The following IFT88 variants were observed in gnomAD, a reference collection of about 807,000 sequenced individuals.
IFT88 encodes the protein intraflagellar transport 88, also known as intraflagellar transport protein 88 homolog.
Under a neutral mutation model 119.5 loss-of-function variants are expected in IFT88, and 74 were observed. The ratio of observed to expected loss-of-function variants is 0.62; its 90% CI spans 0.51 to 0.75. IFT88 has a LOEUF of 0.75. Ranked by LOEUF, IFT88 falls within the 30% of genes least tolerant of loss-of-function variation. IFT88 has a pLI of 0.00. For synonymous variants in IFT88, 279 were observed against 316.7 expected (o/e 0.88, Z 1.26); for missense variants, 961 against 977.7 (o/e 0.98, Z 0.23).
At chr13:20,597,316 G>A (rs1052498448) in intron 9 of IFT88, among the ~76,000 whole-genome samples, 197 bp downstream of exon 9, 6 of 152,072 alleles carry the variant, frequency 3.9e-5, no homozygotes, top group Non-Finnish European at 1.5e-5. Context: ...TATTTAACTA[G>A]TTATTTTAGG....
rs1288876367 is a variant in IFT88 at position 20,663,403 on chromosome 13, C to T, written c.2069-95C>T. On this transcript the variant is annotated intron_variant, in intron 22 of 25. Coordinates refer to ENST00000351808, the MANE Select transcript of IFT88 (RefSeq NM_006531.5). ...ATACTATTTGTAAGCATCATTCCTA[C>T]CTGTATCCCAAAAGACTGAGTTCAC... 6 of 1,555,998 alleles carry T rather than the reference C, an allele frequency of 3.9e-6. No individual in the cohort carries two copies. The African/African-American group carries it at 4.1e-5, about 11-fold the overall frequency.
intron 13 of IFT88, chr13:20,607,301 G>A (rs1006011112): frequency 2.4e-5 from 11 of 451,504 alleles, no homozygotes; most frequent in African/African-American, 8.0e-5. Flanking sequence ...ACTCACCTTC[G>A]GCAAGTACTT....
intron 1 of IFT88, among the ~76,000 whole-genome samples, chr13:20,568,867 C>T (rs2035565776): frequency 6.6e-6 from 1 of 152,026 alleles, no homozygotes; most frequent in Non-Finnish European, 1.5e-5. Flanking sequence ...ACTACAGGCG[C>T]CCGCCACCAT....
intron 13 of IFT88, among the ~76,000 whole-genome samples, chr13:20,606,013 C>T (rs2043374020): frequency 2.1e-5 from 1 of 48,166 alleles, no homozygotes; most frequent in African/African-American, 7.5e-5. Context: ...ATGTAGGTTT[C>T]ATGATGTAGG....
chr13:20,610,260 G>A (rs1450717647), intron 13 of IFT88, among the ~76,000 whole-genome samples: 1 of 152,100 alleles, frequency 6.6e-6, no homozygotes, highest in Non-Finnish European at 1.5e-5. Context: ...CTTCAGAAGT[G>A]TCCCTGTTCG....
chr13:20,590,855 A>G, intron 4 of IFT88, 112 bp from the exon 5 acceptor site: 1 of 735,098 alleles, frequency 1.4e-6, no homozygotes, highest in African/African-American at 1.8e-5. Context: ...ACAAGGAATA[A>G]ATTATGTTTG....
chr13:20,587,997 T>C (rs766381824), intron 3 of IFT88, among the ~76,000 whole-genome samples: 54 of 10,006 alleles, frequency 5.4e-3, no homozygotes, highest in Admixed American at 0.016. Context: ...TACTATTTGC[T>C]TTTTTTTTTT....
chr13:20,609,722 C>T (rs1212012305), intron 13 of IFT88, among the ~76,000 whole-genome samples: 1 of 151,802 alleles, frequency 6.6e-6, no homozygotes, highest in Non-Finnish European at 1.5e-5. Context: ...TCAGCCTGGC[C>T]AATAGAGTGA....
chr13:20,651,265 T>G (rs912071278), intron 20 of IFT88, among the ~76,000 whole-genome samples: 1 of 151,830 alleles, frequency 6.6e-6, no homozygotes, highest in African/African-American at 2.4e-5. Flanking sequence ...TGAGTAGTAT[T>G]GTTTTCTTAA....
intron 13 of IFT88, among the ~76,000 whole-genome samples, chr13:20,615,200 C>T (rs2045396813): frequency 6.6e-6 from 1 of 152,106 alleles, no homozygotes; most frequent in African/African-American, 2.4e-5. Context: ...ATTTTAAAAA[C>T]CACTACTTAT....
intron 14 of IFT88, among the ~76,000 whole-genome samples, chr13:20,616,175 G>A (rs1357437176): frequency 6.6e-6 from 1 of 152,162 alleles, no homozygotes; most frequent in Non-Finnish European, 1.5e-5. Context: ...CCTATCACTA[G>A]TGACGTTGTA....
Position 20,641,391 on chromosome 13 carries a change from G to A in IFT88, c.1675G>A (p.Ala559Thr), listed in dbSNP as rs774079711. 1.9e-6 allele frequency: 3 copies of A among 1,596,136 alleles called. No homozygotes were observed. Among genetic ancestry groups the A allele is most frequent in the East Asian group, 2.2e-5 (1 of 44,706 alleles). The change falls in exon 18 of 26, where the codon GCA (alanine) becomes ACA (threonine). Residue 559 changes from alanine to threonine, a missense_variant. By Grantham distance (58) the Ala-to-Thr change is moderately conservative (BLOSUM62 0). Coordinates refer to ENST00000351808, the MANE Select transcript of IFT88 (RefSeq NM_006531.5). The part of the protein sequence containing the change: ...RNSAEVLYQI[A>T]NIYELMENPS... The stretch of plus-strand genomic sequence containing the variant: ...CAGTGCCGAAGTTCTTTACCAGATA[G>A]CAAATATGTATCTTATTTGAAAACC...
intron 11 of IFT88, among the ~76,000 whole-genome samples, chr13:20,601,107 T>C (rs548677547): frequency 1.3e-5 from 2 of 152,342 alleles, no homozygotes; most frequent in South Asian, 2.1e-4. Context: ...GCCTCATGCC[T>C]GTAATCCCAG....
chr13:20,608,484 A>G (rs1375342685), intron 13 of IFT88, among the ~76,000 whole-genome samples: 1 of 152,166 alleles, frequency 6.6e-6, no homozygotes, highest in Non-Finnish European at 1.5e-5. Context: ...CAAACGGTGT[A>G]TCTCAAAACA....
At chr13:20,568,720 C>CT (rs201221087) in intron 1 of IFT88, among the ~76,000 whole-genome samples, 48 of 151,194 alleles carry the variant, frequency 3.2e-4, no homozygotes, top group Non-Finnish European at 3.2e-4. Context: ...CTTTTAATAC[C>CT]TTTTTTTTTC....
At chr13:20,647,451 GAATTA>G (rs1238228393) in intron 20 of IFT88, among the ~76,000 whole-genome samples, 1 of 151,970 alleles carries the variant, frequency 6.6e-6, no homozygotes, top group Non-Finnish European at 1.5e-5. Context: ...GCATATAGTT[GAATTA>G]AATTAAATTT....
At chr13:20,584,575 A>T (rs1474676202) in intron 3 of IFT88, among the ~76,000 whole-genome samples, 2 of 152,142 alleles carry the variant, frequency 1.3e-5, no homozygotes, top group Admixed American at 1.3e-4. Context: ...CTACGAGTAC[A>T]TGAATTGCTA....
chr13:20,590,255 T>C (rs943475940), intron 4 of IFT88, among the ~76,000 whole-genome samples: 1 of 152,140 alleles, frequency 6.6e-6, no homozygotes, highest in Non-Finnish European at 1.5e-5. Context: ...AAGAAAAGTG[T>C]TTCAGAAGTG....
intron 11 of IFT88, 40 bp from the exon 12 acceptor site, chr13:20,601,665 G>A: frequency 7.3e-7 from 1 of 1,366,560 alleles, no homozygotes; most frequent in South Asian, 1.2e-5. Flanking sequence ...ATACTAAAGA[G>A]TTCAGAATTT....
Sources: allele counts gnomAD v4.1 joint callset (sites outside exome capture counted in the v4.1 genomes callset), GRCh38; gene constraint gnomAD v4.1.1; transcripts MANE v1.5; gene names NCBI Gene and HGNC (gene_info 2026-07-23, HGNC 2026-07-21).